GRID2: variants seen among roughly 807,000 people sequenced by gnomAD.
The protein encoded by GRID2 is glutamate ionotropic receptor delta type subunit 2, also known as glutamate receptor ionotropic, delta-2.
A neutral mutation model predicts 114.8 loss-of-function variants in GRID2; 33 were observed. That is an observed-to-expected ratio of 0.29 (90% CI 0.22 to 0.38). The LOEUF is 0.38. GRID2 is among the 10% of genes least tolerant of loss of function. The pLI, the probability that GRID2 is intolerant of heterozygous loss-of-function variation, is 1.00. For missense variants in GRID2, 1,184 were observed against 1,257.7 expected (o/e 0.94, Z 0.89); for synonymous variants, 505 against 449.9 (o/e 1.12, Z -1.55).
At chr4:92,640,052 A>G (rs1013959308) in intron 2 of GRID2, among the ~76,000 whole-genome samples, 31 of 151,946 alleles carry the variant, frequency 2.0e-4, no homozygotes, top group African/African-American at 7.5e-4. Context: ...GCAATGGCAT[A>G]TATAATATAA....
intron 2 of GRID2, among the ~76,000 whole-genome samples, chr4:92,595,218 T>C (rs943111290): frequency 9.2e-5 from 14 of 151,994 alleles, no homozygotes; most frequent in Non-Finnish European, 1.9e-4. Context: ...ACTATAATAC[T>C]TTTTTATGTA....
At chr4:92,704,701 ATCTCTCTCTCTCTCTCTCTCTT>A (rs1560542425) in intron 2 of GRID2, among the ~76,000 whole-genome samples, 1 of 113,666 alleles carries the variant, frequency 8.8e-6, no homozygotes, top group Non-Finnish European at 1.9e-5. Flanking sequence ...CAATCAATCA[ATCTCTCTCTCTCTCTCTCTCTT>A]TCTCTCTCTC....
chr4:92,671,414 C>G (rs1733065805), intron 2 of GRID2, among the ~76,000 whole-genome samples: 1 of 152,026 alleles, frequency 6.6e-6, no homozygotes, highest in African/African-American at 2.4e-5. Flanking sequence ...TAGATTCAAG[C>G]CTTGTTAGAT....
At chr4:93,611,516 C>G (rs1210270154) in intron 13 of GRID2, among the ~76,000 whole-genome samples, 2 of 141,472 alleles carry the variant, frequency 1.4e-5, no homozygotes, top group African/African-American at 5.8e-5. Flanking sequence ...TATGTTGTGT[C>G]TTTGTTCTCA....
intron 1 of GRID2, among the ~76,000 whole-genome samples, chr4:92,541,707 T>C (rs1013428960): frequency 2.0e-5 from 3 of 152,068 alleles, no homozygotes; most frequent in African/African-American, 7.2e-5. Flanking sequence ...GAAGAGAAAT[T>C]AACACATTGA....
intron 9 of GRID2, among the ~76,000 whole-genome samples, chr4:93,402,707 C>T (rs1766015509): frequency 6.6e-6 from 1 of 151,962 alleles, no homozygotes; most frequent in Admixed American, 6.6e-5. Flanking sequence ...AAACACCTAC[C>T]ACCGAAAACA....
intron 8 of GRID2, among the ~76,000 whole-genome samples, chr4:93,241,788 C>G (rs1229016147): frequency 7.0e-6 from 1 of 143,682 alleles, no homozygotes; most frequent in Non-Finnish European, 1.5e-5. Flanking sequence ...GTTTAAATAG[C>G]AACAGTAGAA....
chr4:93,370,885 G>C (rs773506840), intron 8 of GRID2, among the ~76,000 whole-genome samples: 12 of 152,176 alleles, frequency 7.9e-5, no homozygotes, highest in Non-Finnish European at 1.6e-4. Context: ...CATAGCAAAT[G>C]CTCATAAACT....
intron 2 of GRID2, among the ~76,000 whole-genome samples, chr4:92,795,796 G>T (rs1032995916): frequency 1.3e-5 from 2 of 151,864 alleles, no homozygotes; most frequent in Non-Finnish European, 2.9e-5. Flanking sequence ...TCTGGAACGG[G>T]TTCAAAAGCA....
At chr4:92,571,259 G>A (rs1727602395) in intron 1 of GRID2, among the ~76,000 whole-genome samples, 1 of 151,364 alleles carries the variant, frequency 6.6e-6, no homozygotes, top group Admixed American at 6.6e-5. Flanking sequence ...GTATTGATTT[G>A]CCAACAAAGA....
chr4:92,711,566 A>G (rs1285496540), intron 2 of GRID2, among the ~76,000 whole-genome samples: 1 of 152,156 alleles, frequency 6.6e-6, no homozygotes, highest in Non-Finnish European at 1.5e-5. Flanking sequence ...CACACTTCAA[A>G]CATCTGTATT....
chr4:93,760,656 C>T (rs1733128408), intron 14 of GRID2, among the ~76,000 whole-genome samples: 1 of 152,176 alleles, frequency 6.6e-6, no homozygotes, highest in African/African-American at 2.4e-5. Flanking sequence ...TCTCATTAAG[C>T]ATGTGTAGTA....
chr4:92,322,164 A>T (rs1458878807), intron 1 of GRID2, among the ~76,000 whole-genome samples: 1 of 152,194 alleles, frequency 6.6e-6, no homozygotes, highest in Non-Finnish European at 1.5e-5. Context: ...TTTCTACAAC[A>T]TATAAATCAA....
rs549811374 is a variant in GRID2 at position 93,077,385 on chromosome 4, GTTCCCCACATC to G, written c.245-7607_245-7597del. Among the ~76,000 whole-genome samples, 58 of 152,148 alleles carry G rather than the reference GTTCCCCACATC, an allele frequency of 3.8e-4. No individual in the cohort carries two copies. In the South Asian group the frequency reaches 5.0e-3, roughly 13 times the overall value. ...TCTCTTACACAAACATAAACACACT[GTTCCCCACATC>G]TTTCTCAAGATATTATTCTTACTTT... is the stretch of plus-strand genomic sequence containing the variant. On this transcript the variant is annotated intron_variant, in intron 2 of 15. Transcript: ENST00000282020.
chr4:92,399,292 C>G (rs1730661330), intron 1 of GRID2, among the ~76,000 whole-genome samples: 1 of 152,088 alleles, frequency 6.6e-6, no homozygotes, highest in Non-Finnish European at 1.5e-5. Context: ...CATTGACTGC[C>G]TTTTCCCTTC....
At chr4:92,687,841 C>A (rs533775035) in intron 2 of GRID2, among the ~76,000 whole-genome samples, 1 of 151,554 alleles carries the variant, frequency 6.6e-6, no homozygotes, top group African/African-American at 2.4e-5. Flanking sequence ...AAAAATAAAA[C>A]CTTTTTGCTA....
At chr4:93,371,360 C>CA (rs985141163) in intron 8 of GRID2, among the ~76,000 whole-genome samples, 3 of 147,846 alleles carry the variant, frequency 2.0e-5, no homozygotes, top group Admixed American at 6.8e-5. Context: ...TCTGTTATTC[C>CA]TTTTTTTTTT....
At chr4:92,465,883 A>G (rs898515866) in intron 1 of GRID2, among the ~76,000 whole-genome samples, 11 of 151,998 alleles carry the variant, frequency 7.2e-5, no homozygotes, top group African/African-American at 2.7e-4. Context: ...AAAATTGTAA[A>G]TTTCATTTAT....
chr4:93,409,019 G>C (rs901012), intron 9 of GRID2, among the ~76,000 whole-genome samples: 4 of 152,132 alleles, frequency 2.6e-5, no homozygotes, highest in African/African-American at 9.7e-5. Flanking sequence ...AAAGGGTATA[G>C]AGTAGGGGTA....
Sources: gnomAD v4.1 joint callset for allele counts (sites outside exome capture counted in the v4.1 genomes callset) on GRCh38, gnomAD v4.1.1 for gene constraint, MANE v1.5 for transcripts, NCBI Gene and HGNC (gene_info 2026-07-23, HGNC 2026-07-21) for gene names.